Variants in GABRG3 observed in about 807,000 individuals in gnomAD.
GABRG3 encodes the protein gamma-aminobutyric acid type A receptor subunit gamma3.
A neutral mutation model predicts 48.8 loss-of-function variants in GABRG3; 25 were observed. The ratio of observed to expected loss-of-function variants is 0.51; its 90% CI spans 0.37 to 0.72. GABRG3 has a LOEUF of 0.72. Among genes scored for constraint, GABRG3 ranks in the 30% least tolerant of loss-of-function variants. The probability of loss-of-function intolerance (pLI) is 0.00; values close to 1 mark genes in which losing one functional copy is unlikely to be tolerated. For missense variants in GABRG3, 394 were observed against 577.9 expected (o/e 0.68, Z 3.26); for synonymous variants, 227 against 217.6 (o/e 1.04, Z -0.38).
Position 27,535,202 on chromosome 15 carries a change from G to T in GABRG3, c.*2321G>T, listed in dbSNP as rs1200317342. On this transcript the variant is annotated 3_prime_UTR_variant, in exon 10 of 10. Coordinates refer to ENST00000615808, the MANE Select transcript of GABRG3 (RefSeq NM_033223.5). Reference sequence around the variant, plus strand: ...GTTATGAATGGGTAATTTCTAACAAGCTGAAGAACTGCAACCTGCTACATT... The same window carrying T: ...GTTATGAATGGGTAATTTCTAACAATCTGAAGAACTGCAACCTGCTACATT... 5 of 152,192 alleles carry T rather than the reference G, an allele frequency of 3.3e-5. No homozygotes were observed. The highest frequency in any genetic ancestry group is 7.3e-5 in the Non-Finnish European group (5 of 68,050). The allele number at this position is 152,192 out of a possible 1,614,324, so 9.4% of individuals were successfully genotyped here.
chr15:27,079,874 C>T (rs1164917908), intron 3 of GABRG3, among the ~76,000 whole-genome samples: 1 of 152,146 alleles, frequency 6.6e-6, no homozygotes, highest in Non-Finnish European at 1.5e-5. Flanking sequence ...TCAGCCCGCA[C>T]TTTCTCAGGT....
rs1894896213 is a variant in GABRG3, at chr15:26,974,248, C to T, written c.53+2660C>T. 6.6e-6 allele frequency among the ~76,000 whole-genome samples: 1 copy of T among 152,190 alleles called. No individual in the cohort carries two copies. Among genetic ancestry groups the T allele is most frequent in the Non-Finnish European group, 1.5e-5 (1 of 68,032 alleles). The stretch of plus-strand genomic sequence containing the variant: ...CTGCTTTCTTTTTCTTGGTCCCCCT[C>T]ACTGCCACCTGTCCTGGCCTCTAAG... On this transcript the variant is annotated intron_variant, in intron 1 of 9. Coordinates refer to ENST00000615808, the MANE Select transcript of GABRG3 (RefSeq NM_033223.5). The surrounding 1 kb of genome is among the most constrained non-coding windows in gnomAD (Gnocchi z 4.3).
chr15:27,517,460 C>T (rs76908544), intron 6 of GABRG3, among the ~76,000 whole-genome samples: 5,192 of 152,286 alleles, frequency 0.034, 303 homozygotes, highest in African/African-American at 0.12. Flanking sequence ...CTGAATTAGG[C>T]AAGGGAGTAT....
intron 3 of GABRG3, among the ~76,000 whole-genome samples, chr15:27,055,080 A>ACAG (rs747323202): frequency 1.7e-4 from 26 of 151,260 alleles, no homozygotes; most frequent in Middle Eastern, 6.8e-3. Context: ...ATTGTGAAAA[A>ACAG]CAGCAGCAGC....
rs1216585154 is a variant in GABRG3 at position 27,328,858 on chromosome 15, G to A, written c.544G>A (p.Glu182Lys). The part of the protein sequence containing the change: ...QLQLHNFPMD[E>K]HSCPLIFSSY... ...GCAGCTGCACAACTTCCCCATGGAC[G>A]AACACTCCTGCCCGCTGATTTTCTC... Residue 182 changes from glutamate to lysine, a missense_variant, in exon 5 of 10, where the codon GAA becomes AAA. Physicochemically the swap from Glu to Lys is moderately conservative, Grantham distance 56. Around this residue, in one of 3 missense-constraint regions of GABRG3, gnomAD observed 218 missense variants for 309.9 expected, o/e 0.70. Coordinates refer to ENST00000615808, the MANE Select transcript of GABRG3 (RefSeq NM_033223.5). 4 of 1,614,004 alleles carry A rather than the reference G, an allele frequency of 2.5e-6. No individual in the cohort carries two copies. The highest frequency in any genetic ancestry group is 1.1e-5 in the South Asian group (1 of 91,088).
chr15:27,197,580 C>T (rs974935904), intron 3 of GABRG3, among the ~76,000 whole-genome samples: 7 of 151,580 alleles, frequency 4.6e-5, no homozygotes, highest in African/African-American at 7.3e-5. Flanking sequence ...TGATGTTGAG[C>T]GGTGCATTTA....
chr15:27,532,957 A>G lies in GABRG3; in HGVS notation c.*76A>G. On this transcript the variant is annotated 3_prime_UTR_variant, in exon 10 of 10. Transcript: ENST00000615808. ...TGTCGTCCCCAGACCAGTAGTGACC[A>G]ATCGGGAGTAGCAAGGAAGGACACT... The G allele has an allele frequency of 1.4e-6, 2 of 1,405,510 alleles. No homozygotes were observed. Among genetic ancestry groups the G allele is most frequent in the Non-Finnish European group, 1.9e-6 (2 of 1,028,852 alleles). 87.1% of individuals were successfully genotyped at this position (1,405,510 alleles called of 1,614,324 possible). A position where few individuals can be genotyped will look rare whatever the true frequency, so the allele number is the denominator to read the frequency against.
intron 3 of GABRG3, among the ~76,000 whole-genome samples, chr15:27,152,135 T>A (rs539965508): frequency 1.3e-5 from 2 of 152,354 alleles, no homozygotes; most frequent in Admixed American, 1.3e-4. Flanking sequence ...TTTCATTAAT[T>A]CTGTGATACA....
chr15:26,999,528 C>G (rs1167080906), intron 2 of GABRG3, among the ~76,000 whole-genome samples: 2 of 152,008 alleles, frequency 1.3e-5, no homozygotes, highest in Non-Finnish European at 1.5e-5. Flanking sequence ...ATTTTAAGTT[C>G]TTCTCCTTAC....
chr15:27,351,524 TTG>T (rs1228573551), intron 5 of GABRG3, among the ~76,000 whole-genome samples: 6 of 142,636 alleles, frequency 4.2e-5, no homozygotes, highest in African/African-American at 1.3e-4. Context: ...TATGGTGTGT[TTG>T]TGTGTGTGTT....
At chr15:27,308,083 T>C (rs1421026722) in intron 3 of GABRG3, among the ~76,000 whole-genome samples, 48 of 132,382 alleles carry the variant, frequency 3.6e-4, no homozygotes, top group Non-Finnish European at 7.2e-4. Context: ...TGTTTATACA[T>C]CCAAACATAT....
intron 2 of GABRG3, among the ~76,000 whole-genome samples, chr15:26,980,600 A>G (rs565551103): frequency 6.6e-6 from 1 of 151,222 alleles, no homozygotes; most frequent in Admixed American, 6.6e-5. Flanking sequence ...AATGGCGTGA[A>G]CCTGGGAGGC....
chr15:26,991,995 A>T (rs1359182110), intron 2 of GABRG3, among the ~76,000 whole-genome samples: 1 of 152,150 alleles, frequency 6.6e-6, no homozygotes, highest in East Asian at 1.9e-4. Flanking sequence ...GCTGGGATTA[A>T]GGCATGAGCC....
intron 5 of GABRG3, among the ~76,000 whole-genome samples, chr15:27,331,403 T>C (rs1314356282): frequency 6.6e-6 from 1 of 152,162 alleles, no homozygotes; most frequent in Non-Finnish European, 1.5e-5. Flanking sequence ...GGAATATTAT[T>C]CAGCACTACA....
At chr15:27,377,395 T>C (rs1895631107) in intron 5 of GABRG3, among the ~76,000 whole-genome samples, 1 of 152,238 alleles carries the variant, frequency 6.6e-6, no homozygotes, top group African/African-American at 2.4e-5. Context: ...CAATTTACTG[T>C]TTAGTCAGTT....
intron 5 of GABRG3, among the ~76,000 whole-genome samples, chr15:27,343,265 G>T (rs1894253829): frequency 6.6e-6 from 1 of 152,078 alleles, no homozygotes; most frequent in Non-Finnish European, 1.5e-5. Context: ...CCTGTGGCTG[G>T]CCCTGCAGTG....
At chr15:27,069,541 G>C (rs1018052552) in intron 3 of GABRG3, among the ~76,000 whole-genome samples, 3 of 152,146 alleles carry the variant, frequency 2.0e-5, no homozygotes, top group Admixed American at 6.5e-5. Flanking sequence ...CCTCTCTTTC[G>C]CTGTGTGCAT....
At chr15:27,365,591 G>T (rs1895168550) in intron 5 of GABRG3, 1 of 152,176 alleles carries the variant, frequency 6.6e-6, no homozygotes, top group Non-Finnish European at 1.5e-5. Context: ...CAGTGCTTAT[G>T]CCAGGGCACA....
chr15:27,146,513 A>G (rs1292001185), intron 3 of GABRG3, among the ~76,000 whole-genome samples: 1 of 152,094 alleles, frequency 6.6e-6, no homozygotes, highest in Non-Finnish European at 1.5e-5. Context: ...GGTAAATACA[A>G]TTCCTCCCTC....
Sources: gnomAD v4.1 joint callset for allele counts (sites outside exome capture counted in the v4.1 genomes callset) on GRCh38, gnomAD v4.1.1 for gene constraint, gnomAD v4.1.1 regional missense constraint, Gnocchi (gnomAD v3.1) non-coding constraint, MANE v1.5 for transcripts, NCBI Gene and HGNC (gene_info 2026-07-23, HGNC 2026-07-21) for gene names.